Variants in TBXAS1 observed in about 807,000 individuals in gnomAD.
TBXAS1 encodes the protein thromboxane-A synthase.
Under a neutral mutation model 60.7 loss-of-function variants are expected in TBXAS1, and 48 were observed. That is an observed-to-expected ratio of 0.79 (90% CI 0.63 to 1.01). TBXAS1 has a LOEUF of 1.01. Among genes scored for constraint, TBXAS1 ranks in the 50% least tolerant of loss-of-function variants. TBXAS1 has a pLI of 0.00. For synonymous variants in TBXAS1, 287 were observed against 269.7 expected, an observed-to-expected ratio of 1.06 and a Z score of -0.63; for missense variants, 685 against 686.3, an observed-to-expected ratio of 1.00 and a Z score of 0.02.
intron 4 of TBXAS1, among the ~76,000 whole-genome samples, chr7:139,810,828 G>T (rs1798005324): frequency 6.6e-6 from 1 of 152,226 alleles, no homozygotes; most frequent in Non-Finnish European, 1.5e-5. Context: ...CTCCAGAGCA[G>T]ACTTCAATCT....
intron 1 of TBXAS1, among the ~76,000 whole-genome samples, chr7:139,833,884 C>G (rs1001691756): frequency 6.6e-6 from 1 of 152,094 alleles, no homozygotes; most frequent in Non-Finnish European, 1.5e-5. Flanking sequence ...ATTCCACCGA[C>G]AGCACCAGAC....
At chr7:139,800,855 CTTG>C (rs947193108) in intron 4 of TBXAS1, among the ~76,000 whole-genome samples, 4 of 152,148 alleles carry the variant, frequency 2.6e-5, no homozygotes, top group Admixed American at 2.0e-4. Flanking sequence ...CAATTGCTTA[CTTG>C]TTGTTTTCAT....
intron 1 of TBXAS1, among the ~76,000 whole-genome samples, chr7:139,871,012 C>T (rs958650214): frequency 6.6e-6 from 1 of 152,144 alleles, no homozygotes. Flanking sequence ...TCACTTGAGC[C>T]CAGGAGTTTT....
intron 4 of TBXAS1, among the ~76,000 whole-genome samples, chr7:139,802,134 T>C (rs1467478688): frequency 6.6e-6 from 1 of 152,226 alleles, no homozygotes; most frequent in Non-Finnish European, 1.5e-5. Flanking sequence ...ACCTTTTATT[T>C]CATGGAGTCT....
chr7:139,997,850 A>T (rs964052077), intron 9 of TBXAS1, among the ~76,000 whole-genome samples: 1 of 152,236 alleles, frequency 6.6e-6, no homozygotes, highest in South Asian at 2.1e-4. Context: ...CACATCCCTC[A>T]TGACCCGGCA....
At chr7:139,864,152 T>A (rs1801175366) in intron 1 of TBXAS1, among the ~76,000 whole-genome samples, 1 of 151,474 alleles carries the variant, frequency 6.6e-6, no homozygotes, top group Non-Finnish European at 1.5e-5. Flanking sequence ...GCATAAAACA[T>A]AATTATCAGC....
At chr7:139,828,363 A>C (rs1250881455), upstream of TBXAS1, among the ~76,000 whole-genome samples, 1 of 152,170 alleles carries the variant, frequency 6.6e-6, no homozygotes, top group African/African-American at 2.4e-5. Flanking sequence ...TATTTCATTG[A>C]ATATTTCTCC....
At chr7:139,880,022 T>C (rs1440881945) in intron 3 of TBXAS1, among the ~76,000 whole-genome samples, 3 of 152,144 alleles carry the variant, frequency 2.0e-5, no homozygotes, top group African/African-American at 7.2e-5. Flanking sequence ...TTGCTGGGAA[T>C]ACAGGCATGT....
intron 3 of TBXAS1, among the ~76,000 whole-genome samples, chr7:139,882,650 T>C (rs980208022): frequency 6.6e-6 from 1 of 152,186 alleles, no homozygotes; most frequent in African/African-American, 2.4e-5. Context: ...GAAAACACAA[T>C]ACCCTTGAAA....
intron 9 of TBXAS1, among the ~76,000 whole-genome samples, chr7:139,979,446 T>G (rs11971428): frequency 0.5 from 75,955 of 151,782 alleles, 19,648 homozygotes; most frequent in East Asian, 0.81. Flanking sequence ...GCAAAAGACT[T>G]CAGGGCTCGA....
Position 139,803,153 on chromosome 7 carries a change from G to T in TBXAS1, c.-80+15727G>T, listed in dbSNP as rs146542912. 8.2e-4 allele frequency among the ~76,000 whole-genome samples: 125 copies of T among 152,350 alleles called. 3 individuals are homozygous for T. In the East Asian group the frequency reaches 0.023, roughly 28 times the overall value. On this transcript the variant is annotated intron_variant, in intron 4 of 16. Transcript: ENST00000336425. ...GGCTCAGACGAAGACAGGAAAATATGAGAAAGTTTGGAACTTCCTAGAGAC... is the reference window on the plus strand; with the variant it reads ...GGCTCAGACGAAGACAGGAAAATATTAGAAAGTTTGGAACTTCCTAGAGAC...
At chr7:139,979,767 A>G (rs1048438096) in intron 9 of TBXAS1, among the ~76,000 whole-genome samples, 1 of 142,914 alleles carries the variant, frequency 7.0e-6, no homozygotes, top group African/African-American at 2.6e-5. Context: ...TAATAATAAT[A>G]AATAAATAGC....
intron 4 of TBXAS1, among the ~76,000 whole-genome samples, chr7:139,819,637 G>T (rs1798243354): frequency 1.3e-5 from 2 of 152,038 alleles, no homozygotes; most frequent in Admixed American, 1.3e-4. Context: ...CTAGTAACTG[G>T]GATTACAGGT....
chr7:139,890,415 C>T (rs865911802), intron 3 of TBXAS1, among the ~76,000 whole-genome samples: 1 of 151,924 alleles, frequency 6.6e-6, no homozygotes, highest in Non-Finnish European at 1.5e-5. Context: ...CGGGGTTTCA[C>T]CTTGTTAGCC....
intron 4 of TBXAS1, among the ~76,000 whole-genome samples, chr7:139,800,604 C>T (rs1180895916): frequency 6.6e-6 from 1 of 152,198 alleles, no homozygotes; most frequent in Non-Finnish European, 1.5e-5. Flanking sequence ...CTCCCCCAGA[C>T]CTGAAGCTCC....
chr7:139,940,606 G>A (rs1182583671), intron 5 of TBXAS1, among the ~76,000 whole-genome samples: 1 of 151,938 alleles, frequency 6.6e-6, no homozygotes, highest in Non-Finnish European at 1.5e-5. Context: ...AGGCTCGAAG[G>A]ACCTGGCCCC....
At position 139,984,605 on chromosome 7, in the gene TBXAS1, T is replaced by TAAGA. The variant is rs1186785353; in HGVS notation, c.1134+22381_1134+22384dup. On this transcript the variant is annotated intron_variant, in intron 9 of 12. Coordinates refer to ENST00000448866, the MANE Select transcript of TBXAS1 (RefSeq NM_001061.7). Reference sequence around the variant, plus strand: ...GTCCTAGGGATCAAAAATAAAAAAATAAGAAAGAAAGAGAGAGAGAGAGAG... The same window carrying TAAGA: ...GTCCTAGGGATCAAAAATAAAAAAATAAGAAAGAAAGAAAGAGAGAGAGAGAGAG... Among the ~76,000 whole-genome samples, 16 of 25,920 alleles carry TAAGA rather than the reference T, an allele frequency of 6.2e-4. 1 individual carries two copies. The highest frequency in any genetic ancestry group is 1.8e-3 in the African/African-American group (11 of 6,018). 17.0% of individuals were successfully genotyped at this position (25,920 alleles called of 152,430 possible).
rs1306731576 is a variant in TBXAS1 at position 139,860,331 on chromosome 7, C to CA, written c.90-11903dup. On this transcript the variant is annotated intron_variant, in intron 1 of 12. Coordinates refer to ENST00000448866, the MANE Select transcript of TBXAS1 (RefSeq NM_001061.7). ...TAGAAACAGGAAGCTCAGGGTAACT[C>CA]ACAGTCCCCACCCCAGACACTTCTT... is the stretch of plus-strand genomic sequence containing the variant. Among the ~76,000 whole-genome samples the CA allele has an allele frequency of 2.0e-5, 3 of 152,146 alleles. No individual in the cohort carries two copies. In the East Asian group the frequency reaches 5.8e-4, roughly 29 times the overall value.
intron 10 of TBXAS1, 82 bp downstream of exon 10, chr7:140,007,264 T>C (rs1289948146): frequency 8.0e-7 from 1 of 1,250,092 alleles, no homozygotes; most frequent in Non-Finnish European, 1.2e-6. Context: ...AGGGCCCTCC[T>C]CCATCAGTTA....
Sources: gnomAD v4.1 joint callset for allele counts (sites outside exome capture counted in the v4.1 genomes callset) on GRCh38, gnomAD v4.1.1 for gene constraint, MANE v1.5 for transcripts, NCBI Gene and HGNC (gene_info 2026-07-23, HGNC 2026-07-21) for gene names.